LRRC4C: variants seen among roughly 807,000 people sequenced by gnomAD.
LRRC4C encodes the protein leucine rich repeat containing 4C, also known as leucine-rich repeat-containing protein 4C.
LRRC4C carries 5 observed loss-of-function variants against 33.6 expected under a neutral mutation model. That is an observed-to-expected ratio of 0.15 (90% CI 0.08 to 0.31). The LOEUF is 0.31. LRRC4C is among the 10% of genes least tolerant of loss of function. LRRC4C has a pLI of 1.00. For missense variants in LRRC4C, 560 were observed against 796.7 expected (o/e 0.70, Z 3.58); for synonymous variants, 329 against 302.0 (o/e 1.09, Z -0.93).
intron 3 of LRRC4C, among the ~76,000 whole-genome samples, chr11:40,369,641 C>T (rs1234552834): frequency 6.6e-6 from 1 of 152,192 alleles, no homozygotes; most frequent in African/African-American, 2.4e-5. Context: ...CCCAGCCATT[C>T]TGTAGTTTTT....
At chr11:41,115,208 A>C (rs958948853) in intron 1 of LRRC4C, among the ~76,000 whole-genome samples, 4 of 152,134 alleles carry the variant, frequency 2.6e-5, no homozygotes, top group African/African-American at 9.6e-5. Context: ...TTCAGAGCTA[A>C]AGGAAAAGCA....
chr11:40,135,480 A>AAAATATT (rs1203759527), intron 6 of LRRC4C, among the ~76,000 whole-genome samples: 1 of 152,200 alleles, frequency 6.6e-6, no homozygotes, highest in African/African-American at 2.4e-5. Flanking sequence ...TTTGCCTGCA[A>AAAATATT]TGCATCATTT....
intron 3 of LRRC4C, among the ~76,000 whole-genome samples, chr11:40,587,285 T>C (rs1303128442): frequency 1.4e-5 from 2 of 143,058 alleles, no homozygotes; most frequent in Non-Finnish European, 3.1e-5. Flanking sequence ...TTGTCTGTTG[T>C]TGGTGTATAA....
At chr11:41,435,993 C>T (rs1955412011) in intron 1 of LRRC4C, among the ~76,000 whole-genome samples, 1 of 152,112 alleles carries the variant, frequency 6.6e-6, no homozygotes, top group Admixed American at 6.5e-5. Context: ...ATCATGAGGT[C>T]AGGAGTTCGA....
At chr11:40,739,901 T>C (rs1307425812) in intron 2 of LRRC4C, among the ~76,000 whole-genome samples, 1 of 152,004 alleles carries the variant, frequency 6.6e-6, no homozygotes, top group East Asian at 1.9e-4. Flanking sequence ...TATGTATGTA[T>C]GTATGTATGT....
chr11:41,394,939 C>T (rs988900823), intron 1 of LRRC4C: 15 of 151,826 alleles, frequency 9.9e-5, no homozygotes, highest in African/African-American at 3.6e-4. Context: ...GTCAGCAAAG[C>T]CTTTTATACT....
chr11:40,968,889 T>C (rs570920934), intron 1 of LRRC4C, among the ~76,000 whole-genome samples: 12 of 152,302 alleles, frequency 7.9e-5, no homozygotes, highest in African/African-American at 2.9e-4. Context: ...ATTCATTCTG[T>C]AGCTTATGGA....
intron 4 of LRRC4C, among the ~76,000 whole-genome samples, chr11:40,300,262 A>T (rs1171615691): frequency 6.6e-6 from 1 of 152,174 alleles, no homozygotes; most frequent in African/African-American, 2.4e-5. Flanking sequence ...CTCCAACATT[A>T]GGGATTACAA....
intron 3 of LRRC4C, among the ~76,000 whole-genome samples, chr11:40,398,214 G>T (rs1949618158): frequency 6.6e-6 from 1 of 151,682 alleles, no homozygotes; most frequent in African/African-American, 2.4e-5. Flanking sequence ...TGAAGAGTAT[G>T]GTACAATTTT....
At chr11:41,226,186 T>C (rs1252368591) in intron 1 of LRRC4C, among the ~76,000 whole-genome samples, 1 of 152,176 alleles carries the variant, frequency 6.6e-6, no homozygotes, top group African/African-American at 2.4e-5. Flanking sequence ...AACTCTTATA[T>C]GTCACTCCCC....
rs563885144 is a variant in LRRC4C at position 40,227,713 on chromosome 11, A to T, written c.-96+13806T>A. 3.3e-5 allele frequency among the ~76,000 whole-genome samples: 5 copies of T among 152,332 alleles called. No individual in the cohort carries two copies. The South Asian group carries it at 1.0e-3, about 32-fold the overall frequency. On this transcript the variant is annotated intron_variant, in intron 5 of 6. Coordinates refer to ENST00000528697, the MANE Select transcript of LRRC4C (RefSeq NM_001258419.2). ...TGTAGAAACCATGGGTGCTAAAAAG[A>T]GGAGGAAAGATAACAAAAGTACAAG...
At chr11:41,181,785 C>A (rs1056002189) in intron 1 of LRRC4C, among the ~76,000 whole-genome samples, 1 of 152,188 alleles carries the variant, frequency 6.6e-6, no homozygotes, top group African/African-American at 2.4e-5. Flanking sequence ...ATAATACTAA[C>A]CACCATCACT....
chr11:41,315,544 A>G (rs1170981271), intron 1 of LRRC4C, among the ~76,000 whole-genome samples: 1 of 152,174 alleles, frequency 6.6e-6, no homozygotes, highest in African/African-American at 2.4e-5. Context: ...CCATGTGGGT[A>G]AGTCGCCTTA....
chr11:41,096,700 T>C (rs543328257), intron 1 of LRRC4C, among the ~76,000 whole-genome samples: 14 of 152,202 alleles, frequency 9.2e-5, no homozygotes, highest in African/African-American at 2.9e-4. Context: ...CCCTGAAATA[T>C]ACAATGTGAA....
At chr11:41,449,767 G>GAAA (rs1955958281) in intron 1 of LRRC4C, among the ~76,000 whole-genome samples, 1 of 123,946 alleles carries the variant, frequency 8.1e-6, no homozygotes, top group African/African-American at 2.9e-5. Context: ...TCCTCTTGAT[G>GAAA]GAAAAAAAAA....
At chr11:40,479,674 G>C (rs999179800) in intron 3 of LRRC4C, among the ~76,000 whole-genome samples, 1 of 152,124 alleles carries the variant, frequency 6.6e-6, no homozygotes, top group African/African-American at 2.4e-5. Context: ...TGAATCTCTT[G>C]AGGGTCATGC....
At chr11:41,273,805 C>T (rs1469669505) in intron 1 of LRRC4C, among the ~76,000 whole-genome samples, 2 of 152,078 alleles carry the variant, frequency 1.3e-5, no homozygotes, top group East Asian at 3.9e-4. Context: ...ATGTTCAGTA[C>T]CTTAATTATG....
At position 40,482,313 on chromosome 11, in the gene LRRC4C, T is replaced by C. The variant is rs149327409; in HGVS notation, c.-269-162592A>G. ...AAACCCTTAGGACATTCAGATTAATTGTGTATTATTGTAGGAGGCAAGTTT... is the reference window on the plus strand; with the variant it reads ...AAACCCTTAGGACATTCAGATTAATCGTGTATTATTGTAGGAGGCAAGTTT... On this transcript the variant is annotated intron_variant, in intron 3 of 6. Transcript: ENST00000528697. Among the ~76,000 whole-genome samples, 164 of 152,224 alleles carry C rather than the reference T, an allele frequency of 1.1e-3. 2 individuals carry two copies. In the Middle Eastern group the frequency reaches 0.017, roughly 16 times the overall value.
intron 1 of LRRC4C, among the ~76,000 whole-genome samples, chr11:41,381,463 T>TA (rs1953147311): frequency 6.6e-6 from 1 of 151,692 alleles, no homozygotes; most frequent in Admixed American, 6.6e-5. Context: ...CTGTCTGTAC[T>TA]AAAAATACAA....
Sources: allele counts gnomAD v4.1 joint callset (sites outside exome capture counted in the v4.1 genomes callset), GRCh38; gene constraint gnomAD v4.1.1; transcripts MANE v1.5; gene names NCBI Gene and HGNC (gene_info 2026-07-23, HGNC 2026-07-21).